The following PCBP3 variants were observed in gnomAD, a reference collection of about 807,000 sequenced individuals.
The protein encoded by PCBP3 is poly(rC) binding protein 3.
PCBP3 carries 25 observed loss-of-function variants against 52.7 expected under a neutral mutation model. The ratio of observed to expected loss-of-function variants is 0.47; its 90% CI spans 0.35 to 0.66. The LOEUF is 0.66. PCBP3 is among the 30% of genes least tolerant of loss of function. The pLI, the probability that PCBP3 is intolerant of heterozygous loss-of-function variation, is 0.01. For synonymous variants in PCBP3, 162 were observed against 183.0 expected, an observed-to-expected ratio of 0.89 and a Z score of 0.93; for missense variants, 391 against 490.3, an observed-to-expected ratio of 0.80 and a Z score of 1.91.
At position 45,935,190 on chromosome 21, in the gene PCBP3, G is replaced by T. The variant is rs1418301506; in HGVS notation, c.857-63G>T. 17 of 1,118,988 alleles carry T rather than the reference G, an allele frequency of 1.5e-5. 1 individual carries two copies. The South Asian group carries it at 1.9e-4, about 13-fold the overall frequency. The allele number at this position is 1,118,988 out of a possible 1,614,324, so 69.3% of individuals were successfully genotyped here. On this transcript the variant is annotated intron_variant, in intron 15 of 17. Coordinates refer to ENST00000681687, the MANE Select transcript of PCBP3 (RefSeq NM_001384156.1). ...CTTGACCCAGGAGAGTGAGGGACAG[G>T]CACTGGAGTGTGACTGTTAGCAGCC...
chr21:45,914,095 G>A (rs1012741210), intron 12 of PCBP3, 70 bp downstream of exon 12: 16 of 1,609,356 alleles, frequency 9.9e-6, no homozygotes, highest in Admixed American at 1.7e-5. Flanking sequence ...GCCGCTGCCC[G>A]TTAGTGCACT....
At chr21:45,648,141 G>A (rs1437735908) in intron 1 of PCBP3, among the ~76,000 whole-genome samples, 1 of 152,194 alleles carries the variant, frequency 6.6e-6, no homozygotes, top group Admixed American at 6.5e-5. Flanking sequence ...CTAGCCCAGT[G>A]AGACCCTTGT....
chr21:45,696,548 T>C (rs1474130017), intron 2 of PCBP3, among the ~76,000 whole-genome samples: 1 of 152,110 alleles, frequency 6.6e-6, no homozygotes, highest in Admixed American at 6.5e-5. Flanking sequence ...ATCCCAGCAC[T>C]TTGGGAGGCA....
chr21:45,808,556 T>C (rs900260463), intron 4 of PCBP3, among the ~76,000 whole-genome samples: 4 of 152,196 alleles, frequency 2.6e-5, no homozygotes, highest in Non-Finnish European at 5.9e-5. Flanking sequence ...CTAGAGGGGA[T>C]GTGGAGAAAT....
At chr21:45,646,067 C>T (rs1315626265) in intron 1 of PCBP3, among the ~76,000 whole-genome samples, 2 of 121,858 alleles carry the variant, frequency 1.6e-5, no homozygotes, top group East Asian at 2.3e-4. Flanking sequence ...CTCTCTCTCT[C>T]TCTCTCTCTC....
At chr21:45,707,431 G>A (rs1176150623) in intron 2 of PCBP3, among the ~76,000 whole-genome samples, 6 of 152,142 alleles carry the variant, frequency 3.9e-5, no homozygotes, top group Admixed American at 2.6e-4. Context: ...CAGGAGAATC[G>A]CTTGAACCTG....
intron 1 of PCBP3, among the ~76,000 whole-genome samples, chr21:45,660,609 T>C (rs2080326253): frequency 6.6e-6 from 1 of 152,190 alleles, no homozygotes. Flanking sequence ...TTCTTAGGGG[T>C]TACTTGGGGT....
chr21:45,840,277 C>T (rs2093671890), intron 4 of PCBP3, among the ~76,000 whole-genome samples: 2 of 150,898 alleles, frequency 1.3e-5, no homozygotes. Context: ...ATGGTGAAAC[C>T]CTGTCTCTAC....
At chr21:45,886,751 G>A (rs964670123) in intron 5 of PCBP3, among the ~76,000 whole-genome samples, 4 of 152,184 alleles carry the variant, frequency 2.6e-5, no homozygotes, top group African/African-American at 9.7e-5. Flanking sequence ...AGAGGAGGGG[G>A]CTCCCTCATT....
In PCBP3 at chr21:45,904,234, C is replaced by G. The variant is rs977825156; in HGVS notation, c.339+3121C>G. ...GGAATTCCTAAAGGTACAAGCCTTCCAGTCATCAGTCCATGGAGGAAGAGC... is the reference window on the plus strand; with the variant it reads ...GGAATTCCTAAAGGTACAAGCCTTCGAGTCATCAGTCCATGGAGGAAGAGC... On this transcript the variant is annotated intron_variant, in intron 9 of 17. Transcript: ENST00000681687. The surrounding 1 kb of genome is among the most constrained non-coding windows in gnomAD (Gnocchi z 4.8). 2.6e-5 allele frequency among the ~76,000 whole-genome samples: 4 copies of G among 152,218 alleles called. No individual in the cohort carries two copies. The highest frequency in any genetic ancestry group is 4.8e-5 in the African/African-American group (2 of 41,460).
intron 5 of PCBP3, among the ~76,000 whole-genome samples, chr21:45,867,524 C>A (rs1314812180): frequency 3.3e-5 from 5 of 152,258 alleles, no homozygotes; most frequent in Non-Finnish European, 7.3e-5. Flanking sequence ...GAAGGTTATA[C>A]ATGCAAATAT....
At chr21:45,857,511 C>T (rs955154445) in intron 5 of PCBP3, among the ~76,000 whole-genome samples, 24 of 152,168 alleles carry the variant, frequency 1.6e-4, no homozygotes. Flanking sequence ...TATAAATTAC[C>T]CAGCCTCAGG....
chr21:45,888,990 C>A (rs548847531), intron 5 of PCBP3, among the ~76,000 whole-genome samples: 2 of 152,366 alleles, frequency 1.3e-5, no homozygotes, highest in Admixed American at 1.3e-4. Context: ...CATTAAATAG[C>A]CCTTGTATGT....
At chr21:45,912,083 G>A (rs886894297) in intron 11 of PCBP3, among the ~76,000 whole-genome samples, 14 of 152,170 alleles carry the variant, frequency 9.2e-5, no homozygotes, top group African/African-American at 2.9e-4. Context: ...CGTGGGTCTC[G>A]TCAGCGTCAC....
At chr21:45,868,342 A>G (rs1396974291) in intron 5 of PCBP3, among the ~76,000 whole-genome samples, 2 of 150,878 alleles carry the variant, frequency 1.3e-5, no homozygotes, top group African/African-American at 4.9e-5. Flanking sequence ...GAGGCGGCCC[A>G]CATCCTGCTC....
intron 4 of PCBP3, among the ~76,000 whole-genome samples, chr21:45,774,559 G>C (rs2090119015): frequency 6.6e-6 from 1 of 152,014 alleles, no homozygotes; most frequent in Admixed American, 6.6e-5. Flanking sequence ...GTATTATGTT[G>C]AATAGGAGTG....
intron 5 of PCBP3, among the ~76,000 whole-genome samples, chr21:45,891,464 T>C (rs2095661358): frequency 6.6e-6 from 1 of 152,228 alleles, no homozygotes; most frequent in Admixed American, 6.5e-5. Flanking sequence ...CTATAAATAC[T>C]AAGAGAAGCC....
intron 2 of PCBP3, among the ~76,000 whole-genome samples, chr21:45,711,906 A>G (rs1338260032): frequency 6.6e-6 from 1 of 152,206 alleles, no homozygotes; most frequent in Non-Finnish European, 1.5e-5. Context: ...TCACTGACCT[A>G]AAAATCCCCT....
intron 1 of PCBP3, among the ~76,000 whole-genome samples, chr21:45,662,277 T>G (rs2080452021): frequency 3.6e-5 from 1 of 28,074 alleles, no homozygotes; most frequent in African/African-American, 1.0e-4. Flanking sequence ...CTAAGTTTTT[T>G]TTTTTTTTTT....
Sources: allele counts gnomAD v4.1 joint callset (sites outside exome capture counted in the v4.1 genomes callset), GRCh38; gene constraint gnomAD v4.1.1; non-coding constraint Gnocchi (gnomAD v3.1); transcripts MANE v1.5; gene names NCBI Gene and HGNC (gene_info 2026-07-23, HGNC 2026-07-21).